The following OXSR1 variants were observed in gnomAD, a reference collection of about 807,000 sequenced individuals.
The protein encoded by OXSR1 is serine/threonine-protein kinase OSR1.
A neutral mutation model predicts 79.8 loss-of-function variants in OXSR1; 24 were observed. The observed-to-expected ratio is 0.30, with a 90% confidence interval of 0.22 to 0.42. The LOEUF is 0.42. Ranked by LOEUF, OXSR1 falls within the 10% of genes least tolerant of loss-of-function variation. OXSR1 has a pLI of 1.00. For missense variants in OXSR1, 430 were observed against 618.4 expected, an observed-to-expected ratio of 0.70 and a Z score of 3.23; for synonymous variants, 226 against 209.2, an observed-to-expected ratio of 1.08 and a Z score of -0.69.
At chr3:38,187,213 C>T (rs1053469934) in intron 2 of OXSR1, among the ~76,000 whole-genome samples, 5 of 152,282 alleles carry the variant, frequency 3.3e-5, no homozygotes, top group African/African-American at 1.2e-4. Flanking sequence ...GAAACATTTT[C>T]ATATTATATA....
Position 38,252,912 on chromosome 3 carries a change from G to T in OXSR1, c.*21G>T, listed in dbSNP as rs374272461. 1.9e-6 allele frequency: 3 copies of T among 1,600,974 alleles called. No homozygotes were observed. Among genetic ancestry groups the T allele is most frequent in the African/African-American group, 1.3e-5 (1 of 74,724 alleles). ...GCTAAACCACAACCCTGGAAGAGGC[G>T]GCCTAAGGAGATTCCACACATGCGT... On this transcript the variant is annotated 3_prime_UTR_variant, in exon 18 of 18. Transcript: ENST00000311806.
chr3:38,171,308 G>A (rs774255993), intron 1 of OXSR1, among the ~76,000 whole-genome samples: 34 of 152,120 alleles, frequency 2.2e-4, no homozygotes, highest in Non-Finnish European at 4.6e-4. Flanking sequence ...TTTATAATAA[G>A]CTATAGTCTT....
intron 4 of OXSR1, among the ~76,000 whole-genome samples, chr3:38,215,167 T>G (rs1702458766): frequency 6.6e-6 from 1 of 152,214 alleles, no homozygotes; most frequent in South Asian, 2.1e-4. Context: ...AATGCACTGG[T>G]CTCTTATTTG....
Position 38,183,090 on chromosome 3 carries a change from G to A in OXSR1, c.158G>A (p.Cys53Tyr). Residue 53 changes from cysteine to tyrosine, a missense_variant, in exon 2 of 18, where the codon TGT (cysteine) becomes TAT (tyrosine). Around this residue, in one of 3 missense-constraint regions of OXSR1, gnomAD observed 145 missense variants for 228.3 expected, o/e 0.64. Coordinates refer to ENST00000311806, the MANE Select transcript of OXSR1 (RefSeq NM_005109.3). ...VAIKRINLEK[C>Y]QTSMDELLKE... The stretch of plus-strand genomic sequence containing the variant: ...ATCAAACGGATAAACCTTGAGAAAT[G>A]TCAAACTAGCATGGATGAACTCCTG... 6.2e-7 allele frequency: 1 copy of A among 1,608,922 alleles called. No homozygotes were observed. Among genetic ancestry groups the A allele is most frequent in the Non-Finnish European group, 8.5e-7 (1 of 1,176,126 alleles).
chr3:38,238,205 T>A (rs535503237), intron 11 of OXSR1, among the ~76,000 whole-genome samples: 98 of 152,158 alleles, frequency 6.4e-4, no homozygotes, highest in Non-Finnish European at 1.2e-3. Flanking sequence ...TTTCATGTTA[T>A]CTTTATAGCA....
chr3:38,236,979 G>A lies in OXSR1; in HGVS notation c.1074+18G>A. On this transcript the variant is annotated intron_variant, in intron 11 of 17. Coordinates refer to ENST00000311806, the MANE Select transcript of OXSR1 (RefSeq NM_005109.3). ...AACTCAGGGTAAATTTTATTAAACT[G>A]TGTACTTTAGCTAGAACTTTTTGTA... The A allele has an allele frequency of 1.2e-6, 2 of 1,602,018 alleles. No individual in the cohort carries two copies. Among genetic ancestry groups the A allele is most frequent in the African/African-American group, 1.3e-5 (1 of 74,598 alleles).
chr3:38,165,078 A>T (rs1477875140), upstream of OXSR1: 1 of 152,302 alleles, frequency 6.6e-6, no homozygotes, highest in East Asian at 1.9e-4. Context: ...GAGCGCGGTA[A>T]CGGAGCTCTT....
At chr3:38,192,869 G>A (rs1482826883) in intron 3 of OXSR1, among the ~76,000 whole-genome samples, 1 of 152,142 alleles carries the variant, frequency 6.6e-6, no homozygotes, top group East Asian at 1.9e-4. Context: ...TGTATTTTGT[G>A]GGGGAGTATG....
intron 1 of OXSR1, among the ~76,000 whole-genome samples, chr3:38,176,951 G>A (rs1388119596): frequency 2.0e-5 from 3 of 152,140 alleles, no homozygotes; most frequent in Non-Finnish European, 4.4e-5. Context: ...ATATATTTCA[G>A]GTTTTATGTA....
chr3:38,165,768 TGGG>T lies in OXSR1; in HGVS notation c.-106_-104del, dbSNP rs1701434693. On this transcript the variant is annotated 5_prime_UTR_variant, in exon 1 of 18. Transcript: ENST00000311806. ...CCCGTGGCTGTTCCGAGACGATTGG[TGGG>T]GGCGCGGCGGCGGCGGCGGCGGCTG... The T allele has an allele frequency of 2.0e-6, 2 of 980,654 alleles. No homozygotes were observed. The highest frequency in any genetic ancestry group is 1.6e-5 in the African/African-American group (1 of 61,718). 60.7% of individuals were successfully genotyped at this position (980,654 alleles called of 1,614,324 possible).
chr3:38,193,847 G>A (rs998262788), intron 3 of OXSR1, among the ~76,000 whole-genome samples: 1 of 151,902 alleles, frequency 6.6e-6, no homozygotes, highest in African/African-American at 2.4e-5. Flanking sequence ...TTTTATAAGT[G>A]CCTATATTTT....
At chr3:38,240,735 G>A (rs1156268157) in intron 11 of OXSR1, among the ~76,000 whole-genome samples, 1 of 149,802 alleles carries the variant, frequency 6.7e-6, no homozygotes, top group Non-Finnish European at 1.5e-5. Context: ...GGACACAAGC[G>A]CCAGCTCGAA....
chr3:38,249,359 C>T (rs1703208847), intron 14 of OXSR1, among the ~76,000 whole-genome samples: 1 of 152,142 alleles, frequency 6.6e-6, no homozygotes, highest in Admixed American at 6.6e-5. Context: ...TATAGTAACT[C>T]TGCTACCAGT....
chr3:38,210,175 T>C (rs1702357236), intron 4 of OXSR1, among the ~76,000 whole-genome samples: 1 of 152,120 alleles, frequency 6.6e-6, no homozygotes, highest in South Asian at 2.1e-4. Context: ...TTCTTTTTCC[T>C]CTGACATCTA....
At chr3:38,182,863 CTT>C in intron 1 of OXSR1, 138 bp from the exon 2 acceptor site, 1 of 479,276 alleles carries the variant, frequency 2.1e-6, no homozygotes, top group Non-Finnish European at 3.7e-6. Flanking sequence ...AACTGACACT[CTT>C]TAGAGCATTT....
chr3:38,239,534 C>T (rs1702985236), intron 11 of OXSR1, among the ~76,000 whole-genome samples: 1 of 152,160 alleles, frequency 6.6e-6, no homozygotes, highest in South Asian at 2.1e-4. Flanking sequence ...ACCCAATCAC[C>T]TGTGAGTTAT....
At chr3:38,218,584 T>TC (rs139993728) in intron 5 of OXSR1, among the ~76,000 whole-genome samples, 6,189 of 152,272 alleles carry the variant, frequency 0.041, 170 homozygotes, top group Middle Eastern at 0.13. Flanking sequence ...CAATCCCTTA[T>TC]CAGATGTATG....
chr3:38,229,728 A>C lies in OXSR1; in HGVS notation c.878A>C (p.Lys293Thr). Residue 293 changes from lysine (K) to threonine (T), a missense_variant, in exon 9 of 18, where the codon AAA becomes ACA. Lys to Thr is a moderately conservative substitution (Grantham distance 78). Around this residue, in one of 3 missense-constraint regions of OXSR1, gnomAD observed 276 missense variants for 354.2 expected, o/e 0.78. Coordinates refer to ENST00000311806, the MANE Select transcript of OXSR1 (RefSeq NM_005109.3). ...AELLRHKFFQ[K>T]AKNKEFLQEK... ...CTATTAAGGCACAAATTTTTCCAGA[A>C]AGCAAAGGTAGGAAATTCCAGCTTT... 6.2e-7 allele frequency: 1 copy of C among 1,611,286 alleles called. No individual in the cohort carries two copies. Among genetic ancestry groups the C allele is most frequent in the Non-Finnish European group, 8.5e-7 (1 of 1,178,244 alleles).
intron 2 of OXSR1, among the ~76,000 whole-genome samples, chr3:38,189,912 T>C (rs1318023558): frequency 6.6e-6 from 1 of 152,168 alleles, no homozygotes; most frequent in Non-Finnish European, 1.5e-5. Context: ...CAATGTACTA[T>C]CCAGTATTTT....
Sources: allele counts gnomAD v4.1 joint callset (sites outside exome capture counted in the v4.1 genomes callset), GRCh38; gene constraint gnomAD v4.1.1; regional missense constraint gnomAD v4.1.1; transcripts MANE v1.5; gene names NCBI Gene and HGNC (gene_info 2026-07-23, HGNC 2026-07-21).